ABHD2: variants seen among roughly 807,000 people sequenced by gnomAD.
ABHD2 encodes abhydrolase domain containing 2, acylglycerol lipase, also known as monoacylglycerol lipase ABHD2.
A neutral mutation model predicts 48.1 loss-of-function variants in ABHD2; 20 were observed. That is an observed-to-expected ratio of 0.42 (90% CI 0.29 to 0.60). The LOEUF (loss-of-function observed/expected upper bound fraction) is 0.60. ABHD2 is among the 20% of genes least tolerant of loss of function. The pLI, the probability that ABHD2 is intolerant of heterozygous loss-of-function variation, is 0.24. For missense variants in ABHD2, 405 were observed against 550.9 expected (o/e 0.74, Z 2.65); for synonymous variants, 209 against 214.2 (o/e 0.98, Z 0.21).
intron 3 of ABHD2, among the ~76,000 whole-genome samples, chr15:89,122,724 C>T (rs1420836473): frequency 6.6e-6 from 1 of 152,226 alleles, no homozygotes; most frequent in Non-Finnish European, 1.5e-5. Context: ...AGACAGGCAG[C>T]AGGTGCCCTG....
At chr15:89,107,525 G>A (rs1026587518) in intron 1 of ABHD2, among the ~76,000 whole-genome samples, 16 of 152,218 alleles carry the variant, frequency 1.1e-4, no homozygotes, top group African/African-American at 3.9e-4. Flanking sequence ...GATGGTAATA[G>A]CGAATATTTT....
intron 3 of ABHD2, among the ~76,000 whole-genome samples, chr15:89,149,585 G>C (rs1255709173): frequency 6.6e-6 from 1 of 152,154 alleles, no homozygotes; most frequent in African/African-American, 2.4e-5. Context: ...AGCTGTGCAT[G>C]GAGAAGGGGC....
At chr15:89,063,264 G>A in the ABHD2 span, among the ~76,000 whole-genome samples, 64,486 of 151,550 alleles carry the variant, frequency 0.43, 16,225 homozygotes, top group Non-Finnish European at 0.58. Context: ...CACTACGCCC[G>A]GCCAAAAATT....
the ABHD2 span, among the ~76,000 whole-genome samples, chr15:89,058,548 T>C: frequency 6.6e-6 from 1 of 151,654 alleles, no homozygotes; most frequent in Non-Finnish European, 1.5e-5. Context: ...CCCGAGGAGG[T>C]GCACAGCAGG....
intron 1 of ABHD2, among the ~76,000 whole-genome samples, chr15:89,095,542 G>A (rs2049599193): frequency 6.6e-6 from 1 of 152,226 alleles, no homozygotes; most frequent in Non-Finnish European, 1.5e-5. Flanking sequence ...CCAGCAACCT[G>A]CTGGAATTAA....
intron 3 of ABHD2, among the ~76,000 whole-genome samples, chr15:89,132,010 G>A (rs962608771): frequency 1.3e-5 from 2 of 152,060 alleles, no homozygotes; most frequent in Non-Finnish European, 2.9e-5. Flanking sequence ...GACAGATGAG[G>A]CATCCTGTTG....
intron 1 of ABHD2, among the ~76,000 whole-genome samples, chr15:89,107,653 C>T (rs1411076215): frequency 1.2e-4 from 19 of 152,308 alleles, no homozygotes. Flanking sequence ...GATTAAGGAA[C>T]TTGCCCCAGG....
chr15:89,192,509 CTT>C (rs767470768), intron 9 of ABHD2, among the ~76,000 whole-genome samples: 24 of 141,386 alleles, frequency 1.7e-4, no homozygotes, highest in Admixed American at 1.4e-4. Flanking sequence ...TTTTTCTTTT[CTT>C]TTTTTTTTTT....
At chr15:89,055,323 C>CTTTTTTTTTTTTTTTTTTTTTTT in the ABHD2 span, among the ~76,000 whole-genome samples, 1 of 124,796 alleles carries the variant, frequency 8.0e-6, no homozygotes. Flanking sequence ...ACACTAGTTT[C>CTTTTTTTTTTTTTTTTTTTTTTT]TTTTTTTTTT....
chr15:89,127,721 A>ATATATATG (rs1298891513), intron 3 of ABHD2, among the ~76,000 whole-genome samples: 3 of 87,442 alleles, frequency 3.4e-5, no homozygotes, highest in African/African-American at 2.0e-4. Flanking sequence ...ATATATATAC[A>ATATATATG]CATATATATA....
chr15:89,169,657 C>G (rs1278376268), intron 5 of ABHD2, among the ~76,000 whole-genome samples: 1 of 152,156 alleles, frequency 6.6e-6, no homozygotes, highest in Non-Finnish European at 1.5e-5. Context: ...CTTAGGCAGG[C>G]AAATAATGTC....
chr15:89,154,081 A>G (rs748466282), intron 4 of ABHD2, among the ~76,000 whole-genome samples: 8 of 152,200 alleles, frequency 5.3e-5, no homozygotes, highest in Non-Finnish European at 1.2e-4. Context: ...CGAAGCTTAT[A>G]AATTTTATAA....
intron 3 of ABHD2, among the ~76,000 whole-genome samples, chr15:89,117,934 G>A (rs1423399999): frequency 1.3e-5 from 2 of 152,176 alleles, no homozygotes; most frequent in East Asian, 3.9e-4. Context: ...GTGATGTCAT[G>A]ACCCCAAGTC....
chr15:89,136,511 C>T (rs1186984925), intron 3 of ABHD2: 5 of 382,854 alleles, frequency 1.3e-5, no homozygotes, highest in Non-Finnish European at 2.6e-5. Context: ...GTTATTTTTC[C>T]TCAGCAAGGC....
Position 89,197,694 on chromosome 15 carries a change from G to A in ABHD2, c.*2271G>A, listed in dbSNP as rs1353333566. ...CCCTGTTGTCACACAAACCGGTGTG[G>A]GGGAGGGTGGAGCCTGGTCTGCACG... On this transcript the variant is annotated 3_prime_UTR_variant, in exon 11 of 11. Coordinates refer to ENST00000352732, the MANE Select transcript of ABHD2 (RefSeq NM_152924.5). This position sits in a 1 kb window ranked among gnomAD's most constrained non-coding sequence, Gnocchi z 4.4. 2.0e-5 allele frequency: 3 copies of A among 152,250 alleles called. No homozygotes were observed. The highest frequency in any genetic ancestry group is 2.0e-4 in the Admixed American group (3 of 15,274). The allele number at this position is 152,250 out of a possible 1,614,324, so 9.4% of individuals were successfully genotyped here.
intron 3 of ABHD2, among the ~76,000 whole-genome samples, chr15:89,128,350 C>T (rs1328099342): frequency 6.6e-6 from 1 of 152,174 alleles, no homozygotes; most frequent in Non-Finnish European, 1.5e-5. Flanking sequence ...AGAAAACTGG[C>T]TTTGCTGCCC....
At chr15:89,152,245 T>A (rs144675239) in intron 4 of ABHD2, among the ~76,000 whole-genome samples, 8,343 of 152,040 alleles carry the variant, frequency 0.055, 805 homozygotes, top group African/African-American at 0.19. Flanking sequence ...TCGGCTAATT[T>A]TTTTTTTGTA....
chr15:89,169,972 A>G (rs1488169898), intron 5 of ABHD2, among the ~76,000 whole-genome samples: 3 of 150,124 alleles, frequency 2.0e-5, no homozygotes, highest in Non-Finnish European at 4.4e-5. Context: ...GTGTGTATGT[A>G]ATCCCTTAAA....
At position 89,188,218 on chromosome 15, in the gene ABHD2, A is replaced by G. The variant is rs189147436; in HGVS notation, c.841A>G (p.Lys281Glu). Residue 281 changes from lysine to glutamate, a missense_variant, in exon 8 of 11, where the codon AAG (lysine) becomes GAG (glutamate). Coordinates refer to ENST00000352732, the MANE Select transcript of ABHD2 (RefSeq NM_152924.5). The surrounding 1 kb of genome is among the most constrained non-coding windows in gnomAD (Gnocchi z 4.1). ...HRQALFGDHV[K>E]KPQSLEDTDL... ...GCAAGCTCTTTTTGGAGACCATGTT[A>G]AGAAACCCCAGAGCCTGGAAGACAC... The G allele has an allele frequency of 9.3e-4, 1,502 of 1,614,192 alleles. 12 individuals carry two copies. Among genetic ancestry groups the G allele is most frequent in the East Asian group, 1.0e-3 (47 of 44,870 alleles).
Sources: gnomAD v4.1 joint callset for allele counts (sites outside exome capture counted in the v4.1 genomes callset) on GRCh38, gnomAD v4.1.1 for gene constraint, Gnocchi (gnomAD v3.1) non-coding constraint, MANE v1.5 for transcripts, NCBI Gene and HGNC (gene_info 2026-07-23, HGNC 2026-07-21) for gene names.